Variants in COL25A1 observed in about 807,000 individuals in gnomAD.
COL25A1 encodes the protein collagen type XXV alpha 1 chain, also known as collagen alpha-1(XXV) chain.
A neutral mutation model predicts 128.4 loss-of-function variants in COL25A1; 103 were observed. The observed-to-expected ratio is 0.80, with a 90% CI of 0.68 to 0.94. COL25A1 has a LOEUF of 0.94. COL25A1 is among the 40% of genes least tolerant of loss of function. The pLI is 0.00. For missense variants in COL25A1, 745 were observed against 840.0 expected (o/e 0.89, Z 1.40); for synonymous variants, 279 against 277.2 (o/e 1.01, Z -0.06).
At chr4:108,957,737 G>C (rs1220603852) in intron 8 of COL25A1, among the ~76,000 whole-genome samples, 3 of 152,094 alleles carry the variant, frequency 2.0e-5, no homozygotes, top group Admixed American at 2.0e-4. Context: ...TAGCTGGCAG[G>C]GCCGATTGTC....
intron 16 of COL25A1, 109 bp from the exon 17 acceptor site, chr4:108,889,842 T>A: frequency 1.1e-6 from 1 of 883,372 alleles, no homozygotes; most frequent in Non-Finnish European, 1.9e-6. Context: ...ATCTCATGAC[T>A]AATGTGCCTA....
chr4:109,026,571 T>G (rs930096311), intron 5 of COL25A1, among the ~76,000 whole-genome samples: 4 of 152,176 alleles, frequency 2.6e-5, no homozygotes, highest in African/African-American at 9.7e-5. Flanking sequence ...GGTGTGGGAT[T>G]GATAGGGAAT....
rs1730989046 is a variant in COL25A1, at chr4:108,813,692, CATAAG to C, written c.*230_*234del. 6.8e-6 allele frequency: 3 copies of C among 438,190 alleles called. No homozygotes were observed. Among genetic ancestry groups the C allele is most frequent in the South Asian group, 5.2e-5 (1 of 19,294 alleles). 27.1% of individuals were successfully genotyped at this position (438,190 alleles called of 1,614,324 possible). ...TTGTCCATATAAATACGTATCTTCA[CATAAG>C]ATAAGGAGATACTGATCTATATTTT... On this transcript the variant is annotated 3_prime_UTR_variant, in exon 38 of 38. Coordinates refer to ENST00000399132, the MANE Select transcript of COL25A1 (RefSeq NM_198721.4).
intron 3 of COL25A1, among the ~76,000 whole-genome samples, chr4:109,108,721 T>C (rs1002681361): frequency 3.1e-4 from 47 of 152,086 alleles, no homozygotes; most frequent in Middle Eastern, 3.4e-3. Context: ...ATTAAGGTGA[T>C]TTTTAAAAAA....
intron 31 of COL25A1, among the ~76,000 whole-genome samples, chr4:108,837,487 C>T (rs975159698): frequency 6.6e-6 from 1 of 152,082 alleles, no homozygotes; most frequent in African/African-American, 2.4e-5. Context: ...GGGGAGATTC[C>T]TTCTTCATTA....
intron 5 of COL25A1, among the ~76,000 whole-genome samples, chr4:109,034,932 C>T (rs1481185649): frequency 6.6e-6 from 1 of 152,118 alleles, no homozygotes; most frequent in Non-Finnish European, 1.5e-5. Flanking sequence ...ATTCATATTA[C>T]TGGGATTCAT....
chr4:109,208,270 G>C (rs1777171514), intron 3 of COL25A1, among the ~76,000 whole-genome samples: 1 of 152,038 alleles, frequency 6.6e-6, no homozygotes, highest in Non-Finnish European at 1.5e-5. Context: ...TTGTGAATCC[G>C]AGCAATCCAG....
chr4:109,190,905 T>C (rs1273836607), intron 3 of COL25A1, among the ~76,000 whole-genome samples: 1 of 152,164 alleles, frequency 6.6e-6, no homozygotes, highest in African/African-American at 2.4e-5. Context: ...CTGTTTCACA[T>C]AAGGAGGGAA....
At chr4:108,837,572 G>T (rs569159929) in intron 31 of COL25A1, among the ~76,000 whole-genome samples, 5 of 152,174 alleles carry the variant, frequency 3.3e-5, no homozygotes, top group Middle Eastern at 3.4e-3. Flanking sequence ...CCTCATAACA[G>T]GGAATTTTCA....
At chr4:108,933,917 T>G (rs1747081352) in intron 11 of COL25A1, among the ~76,000 whole-genome samples, 1 of 151,852 alleles carries the variant, frequency 6.6e-6, no homozygotes, top group African/African-American at 2.4e-5. Flanking sequence ...AAGAAAAATT[T>G]CCTCCTCACG....
intron 3 of COL25A1, among the ~76,000 whole-genome samples, chr4:109,059,004 G>T (rs1473606619): frequency 6.6e-6 from 1 of 152,136 alleles, no homozygotes; most frequent in Non-Finnish European, 1.5e-5. Flanking sequence ...AAGCACGAAG[G>T]CACAGGCATA....
At chr4:108,826,998 C>A (rs1240238990) in intron 33 of COL25A1, 137 bp downstream of exon 33, 2 of 751,390 alleles carry the variant, frequency 2.7e-6, no homozygotes, top group Non-Finnish European at 4.6e-6. Flanking sequence ...CATGGAAGTA[C>A]TGAATTTATA....
At chr4:109,289,657 A>C (rs961345086) in intron 3 of COL25A1, among the ~76,000 whole-genome samples, 4 of 152,122 alleles carry the variant, frequency 2.6e-5, no homozygotes, top group African/African-American at 9.6e-5. Context: ...CATCAACAGA[A>C]TGGAGGCAAA....
chr4:109,103,709 C>G (rs1766132376), intron 3 of COL25A1, among the ~76,000 whole-genome samples: 1 of 152,090 alleles, frequency 6.6e-6, no homozygotes, highest in South Asian at 2.1e-4. Context: ...CAAATTGAAC[C>G]TGAAGCATCT....
chr4:108,958,511 G>A (rs918426835), intron 8 of COL25A1, among the ~76,000 whole-genome samples: 1 of 151,448 alleles, frequency 6.6e-6, no homozygotes, highest in Non-Finnish European at 1.5e-5. Flanking sequence ...GATCATCTTA[G>A]GTAATAAACC....
chr4:108,876,504 G>T (rs1001821632), intron 19 of COL25A1, among the ~76,000 whole-genome samples: 1 of 151,854 alleles, frequency 6.6e-6, no homozygotes, highest in East Asian at 1.9e-4. Context: ...ATCTACTCTT[G>T]GGACAAACAG....
intron 3 of COL25A1, among the ~76,000 whole-genome samples, chr4:109,218,397 C>T (rs41390947): frequency 0.15 from 10,552 of 68,100 alleles, 960 homozygotes; most frequent in African/African-American, 0.42. Context: ...TTGAACTACA[C>T]TTACTCTCCA....
intron 3 of COL25A1, among the ~76,000 whole-genome samples, chr4:109,115,159 T>C (rs1002998702): frequency 1.1e-4 from 16 of 152,038 alleles, no homozygotes; most frequent in Admixed American, 1.0e-3. Context: ...GTAGTTATAA[T>C]GAACATAAAC....
intron 24 of COL25A1, among the ~76,000 whole-genome samples, chr4:108,853,382 G>A (rs1037693877): frequency 4.3e-4 from 25 of 58,066 alleles, no homozygotes; most frequent in South Asian, 9.8e-4. Context: ...GTGTTTGTGC[G>A]TGTGTGTGTG....
Sources: allele counts gnomAD v4.1 joint callset (sites outside exome capture counted in the v4.1 genomes callset), GRCh38; gene constraint gnomAD v4.1.1; transcripts MANE v1.5; gene names NCBI Gene and HGNC (gene_info 2026-07-23, HGNC 2026-07-21).